Variants in PPIG observed in about 807,000 individuals in gnomAD.
PPIG encodes the protein peptidylprolyl isomerase G.
In PPIG, 26 loss-of-function variants were observed where a neutral mutation model predicts 87.9. That is an observed-to-expected ratio of 0.30 (90% CI 0.22 to 0.41). The LOEUF (loss-of-function observed/expected upper bound fraction) is 0.41, where lower values mean the gene tolerates loss of function less well. PPIG is among the 10% of genes least tolerant of loss of function. The pLI is 1.00. For missense variants in PPIG, 722 were observed against 879.4 expected, an observed-to-expected ratio of 0.82 and a Z score of 2.26; for synonymous variants, 308 against 276.5, an observed-to-expected ratio of 1.11 and a Z score of -1.13.
chr2:169,636,361 C>T (rs1334653242), intron 13 of PPIG, 52 bp from the exon 14 acceptor site: 2 of 1,476,932 alleles, frequency 1.4e-6, no homozygotes, highest in African/African-American at 1.4e-5. Context: ...CTAATAATAT[C>T]TACAGTTCTT....
chr2:169,598,675 G>A (rs1388975929), intron 1 of PPIG, among the ~76,000 whole-genome samples: 2 of 151,824 alleles, frequency 1.3e-5, no homozygotes, highest in Admixed American at 6.6e-5. Context: ...AGCAGTAAAT[G>A]AACAGATTTC....
intron 10 of PPIG, 198 bp from the exon 11 acceptor site, chr2:169,631,568 G>A (rs1049660660): frequency 1.3e-4 from 178 of 1,342,252 alleles, no homozygotes; most frequent in Admixed American, 2.3e-4. Context: ...TAATCGAAAC[G>A]TTTTGTTTTG....
chr2:169,627,913 T>C (rs1366212994), intron 9 of PPIG, among the ~76,000 whole-genome samples: 1 of 152,148 alleles, frequency 6.6e-6, no homozygotes, highest in African/African-American at 2.4e-5. Context: ...TTTATTTTGC[T>C]TGCACAATTT....
chr2:169,603,994 T>C, intron 2 of PPIG, 32 bp from the exon 3 acceptor site: 2 of 1,537,154 alleles, frequency 1.3e-6, no homozygotes, highest in Non-Finnish European at 1.8e-6. Flanking sequence ...GCTATTTTAG[T>C]CTGCTTGTCT....
chr2:169,589,400 T>C (rs1684798945), intron 1 of PPIG, among the ~76,000 whole-genome samples: 2 of 152,224 alleles, frequency 1.3e-5, no homozygotes, highest in South Asian at 4.1e-4. Context: ...TTTGATGCGG[T>C]GCATTTTCGT....
At chr2:169,632,855 C>G (rs560330263) in intron 11 of PPIG, among the ~76,000 whole-genome samples, 1 of 151,562 alleles carries the variant, frequency 6.6e-6, no homozygotes, top group East Asian at 2.0e-4. Context: ...TAATAAAATT[C>G]TTGGCCAGGC....
At chr2:169,604,676 C>T (rs1685272660) in intron 4 of PPIG, among the ~76,000 whole-genome samples, 2 of 149,644 alleles carry the variant, frequency 1.3e-5, no homozygotes, top group South Asian at 2.1e-4. Flanking sequence ...GAGTTCCAGA[C>T]GAGCCTGGCC....
At chr2:169,589,996 C>T (rs999258321) in intron 1 of PPIG, among the ~76,000 whole-genome samples, 2 of 152,008 alleles carry the variant, frequency 1.3e-5, no homozygotes, top group Non-Finnish European at 2.9e-5. Context: ...GTAATCCCAG[C>T]TACTCGGGAG....
intron 1 of PPIG, among the ~76,000 whole-genome samples, chr2:169,589,322 C>T (rs1485733385): frequency 6.6e-6 from 1 of 152,106 alleles, no homozygotes; most frequent in Non-Finnish European, 1.5e-5. Context: ...GTCTTGACAC[C>T]TCAGAATGTT....
chr2:169,626,500 C>G (rs1030013571), intron 9 of PPIG, among the ~76,000 whole-genome samples: 5 of 150,260 alleles, frequency 3.3e-5, no homozygotes, highest in Admixed American at 6.6e-5. Context: ...TCAAGAGATT[C>G]TCTGCCTCAG....
chr2:169,610,408 A>G (rs1303375691), intron 7 of PPIG, among the ~76,000 whole-genome samples: 1 of 151,950 alleles, frequency 6.6e-6, no homozygotes, highest in Non-Finnish European at 1.5e-5. Context: ...TTTGTGATTC[A>G]CTCAAAATGT....
intron 11 of PPIG, among the ~76,000 whole-genome samples, chr2:169,632,704 C>T (rs981380937): frequency 1.6e-4 from 25 of 151,946 alleles, no homozygotes; most frequent in Non-Finnish European, 3.5e-4. Flanking sequence ...GAGATCACGG[C>T]ACTGCACTCC....
intron 1 of PPIG, among the ~76,000 whole-genome samples, chr2:169,588,958 CAAAAAA>C (rs549776875): frequency 2.9e-5 from 2 of 68,410 alleles, no homozygotes; most frequent in African/African-American, 4.9e-5. Flanking sequence ...AACTCCCTCT[CAAAAAA>C]AAAAAAAAAA....
intron 9 of PPIG, among the ~76,000 whole-genome samples, chr2:169,616,415 A>G (rs939180722): frequency 6.6e-6 from 1 of 152,204 alleles, no homozygotes; most frequent in Non-Finnish European, 1.5e-5. Context: ...TCCTTGAGGA[A>G]TCGCCACACT....
chr2:169,607,320 T>C (rs2105491322), intron 6 of PPIG, among the ~76,000 whole-genome samples, 172 bp downstream of exon 6: 1 of 152,272 alleles, frequency 6.6e-6, no homozygotes, highest in East Asian at 1.9e-4. Context: ...TACAGATGGG[T>C]ATTTTTTCTT....
chr2:169,614,351 T>C, intron 7 of PPIG, 113 bp from the exon 8 acceptor site: 1 of 977,214 alleles, frequency 1.0e-6, no homozygotes, highest in Non-Finnish European at 1.6e-6. Flanking sequence ...GCAGTTGATG[T>C]CTTTGTTTTC....
At chr2:169,605,911 T>A in intron 4 of PPIG, 128 bp from the exon 5 acceptor site, 3 of 651,280 alleles carry the variant, frequency 4.6e-6, no homozygotes, top group Non-Finnish European at 8.0e-6. Context: ...TAAAAAAAAA[T>A]TCCTGAAAGG....
At chr2:169,636,016 T>G in intron 12 of PPIG, 76 bp from the exon 13 acceptor site, 1 of 1,170,042 alleles carries the variant, frequency 8.5e-7, no homozygotes, top group Non-Finnish European at 1.2e-6. Flanking sequence ...CCCCAGTACT[T>G]CCCTCCCTCC....
At chr2:169,622,254 C>G (rs1454290148) in intron 9 of PPIG, among the ~76,000 whole-genome samples, 4 of 151,938 alleles carry the variant, frequency 2.6e-5, no homozygotes, top group African/African-American at 9.7e-5. Context: ...AACCCTGTCT[C>G]TACTAAAAAT....
Sources: allele counts gnomAD v4.1 joint callset (sites outside exome capture counted in the v4.1 genomes callset), GRCh38; gene constraint gnomAD v4.1.1; transcripts MANE v1.5; gene names NCBI Gene and HGNC (gene_info 2026-07-23, HGNC 2026-07-21).